Variants in PPP1R16A observed in about 807,000 individuals in gnomAD.
The protein encoded by PPP1R16A is myosin phosphatase-targeting subunit 3.
Under a neutral mutation model 46.6 loss-of-function variants are expected in PPP1R16A, and 39 were observed. The ratio of observed to expected loss-of-function variants is 0.84; its 90% confidence interval spans 0.65 to 1.09. The LOEUF is 1.09. PPP1R16A is among the 50% of genes least tolerant of loss of function. The pLI is 0.00. For missense variants in PPP1R16A, 798 were observed against 735.6 expected (o/e 1.08, Z -0.98); for synonymous variants, 413 against 321.5 (o/e 1.28, Z -3.04).
At chr8:144,499,460 G>A in intron 5 of PPP1R16A, 1 of 217,010 alleles carries the variant, frequency 4.6e-6, no homozygotes, top group Admixed American at 5.3e-5. Flanking sequence ...GGGACGTAGA[G>A]CGGGGGGAAC....
rs375976577 is a variant in PPP1R16A at position 144,493,660 on chromosome 8, G to A, written c.-734-2801G>A. ...CTGGGCAGGGAGGCCAGAGGGGGACGCTTAGGGCTCAGCCTGGGGGGAGGT... is the reference window on the plus strand; with the variant it reads ...CTGGGCAGGGAGGCCAGAGGGGGACACTTAGGGCTCAGCCTGGGGGGAGGT... On this transcript the variant is annotated intron_variant, in intron 2 of 11. Transcript: ENST00000435887. This position sits in a 1 kb window ranked among gnomAD's most constrained non-coding sequence, Gnocchi z 4.3. 3.3e-5 allele frequency among the ~76,000 whole-genome samples: 5 copies of A among 152,094 alleles called. No homozygotes were observed. Among genetic ancestry groups the A allele is most frequent in the African/African-American group, 7.2e-5 (3 of 41,490 alleles).
At chr8:144,478,224 T>C in intron 1 of PPP1R16A, 97 bp downstream of exon 1, 1 of 380,308 alleles carries the variant, frequency 2.6e-6, no homozygotes. Flanking sequence ...GGAGGGGCAC[T>C]GGGTCGACAC....
intron 1 of PPP1R16A, among the ~76,000 whole-genome samples, chr8:144,488,984 A>G (rs1825707377): frequency 1.3e-5 from 2 of 151,438 alleles, no homozygotes; most frequent in African/African-American, 4.9e-5. Flanking sequence ...CAGGCGGATC[A>G]CTTGAGGTCA....
chr8:144,498,626 C>T, intron 3 of PPP1R16A, 144 bp from the exon 4 acceptor site: 1 of 763,454 alleles, frequency 1.3e-6, no homozygotes, highest in Non-Finnish European at 2.0e-6. Flanking sequence ...CCTGGTGCTT[C>T]TGCCCCCACC....
intron 5 of PPP1R16A, chr8:144,499,308 C>A (rs1419589268): frequency 9.1e-6 from 5 of 551,064 alleles, no homozygotes; most frequent in Non-Finnish European, 1.6e-5. Context: ...GGCCTCGGGC[C>A]CCCCCCCAGA....
chr8:144,482,921 C>CT (rs1825490620), intron 1 of PPP1R16A, among the ~76,000 whole-genome samples: 1 of 152,170 alleles, frequency 6.6e-6, no homozygotes, highest in South Asian at 2.1e-4. Context: ...GCTGGGATTA[C>CT]AGGCGTGAGC....
chr8:144,492,096 C>A (rs367673990), intron 2 of PPP1R16A, among the ~76,000 whole-genome samples: 2 of 152,058 alleles, frequency 1.3e-5, no homozygotes, highest in Admixed American at 1.3e-4. Flanking sequence ...CAGAACCAGC[C>A]GGAGGGCAGG....
chr8:144,493,634 C>G lies in PPP1R16A; in HGVS notation c.-734-2827C>G, dbSNP rs1825909136. 6.6e-6 allele frequency among the ~76,000 whole-genome samples: 1 copy of G among 152,208 alleles called. No homozygotes were observed. Among genetic ancestry groups the G allele is most frequent in the African/African-American group, 2.4e-5 (1 of 41,550 alleles). ...TGGCTGCTTCCTTCTGAGGGTGATT[C>G]CTGGGCAGGGAGGCCAGAGGGGGAC... On this transcript the variant is annotated intron_variant, in intron 2 of 11. Transcript: ENST00000435887. This position sits in a 1 kb window ranked among gnomAD's most constrained non-coding sequence, Gnocchi z 4.3.
At chr8:144,481,537 G>T (rs908079983) in intron 1 of PPP1R16A, among the ~76,000 whole-genome samples, 9 of 151,814 alleles carry the variant, frequency 5.9e-5, no homozygotes, top group Admixed American at 6.6e-5. Context: ...CCAGCTACTC[G>T]GGAGGCTGAG....
intron 1 of PPP1R16A, among the ~76,000 whole-genome samples, chr8:144,482,947 A>AT (rs747064501): frequency 7.9e-5 from 12 of 151,374 alleles, no homozygotes; most frequent in Non-Finnish European, 1.5e-4. Flanking sequence ...CGCCCGGCTT[A>AT]TTTTTTTGTA....
At position 144,478,140 on chromosome 8, in the gene PPP1R16A, C is replaced by T; in HGVS notation, c.-914+13C>T. The T allele has an allele frequency of 2.5e-6, 1 of 394,786 alleles. No homozygotes were observed. The highest frequency in any genetic ancestry group is 4.4e-5 in the Admixed American group (1 of 22,570). The allele number at this position is 394,786 out of a possible 1,614,324, so 24.5% of individuals were successfully genotyped here. A position where few individuals can be genotyped will look rare whatever the true frequency, so the allele number is the denominator to read the frequency against. On this transcript the variant is annotated intron_variant, in intron 1 of 11. Coordinates refer to ENST00000435887, the MANE Select transcript of PPP1R16A (RefSeq NM_001329443.2). The stretch of plus-strand genomic sequence containing the variant: ...CGCGGGGCGCGAGGTGAGGCGCGGA[C>T]TCCCGGGTCCTGCGGCGGGAGCGGA...
chr8:144,500,105 TCTC>T lies in PPP1R16A; in HGVS notation c.489_491del (p.Leu164del). The stretch of plus-strand genomic sequence containing the variant: ...TCCGTCTTCCCTGCAGTGGCGCCAA[TCTC>T]CTGGCGGTCAACACCGACGGGAACA... On this transcript the variant is annotated inframe_deletion, in exon 6 of 12. Coordinates refer to ENST00000435887, the MANE Select transcript of PPP1R16A (RefSeq NM_001329443.2). 6.2e-7 allele frequency: 1 copy of T among 1,609,594 alleles called. No individual in the cohort carries two copies. The highest frequency in any genetic ancestry group is 8.5e-7 in the Non-Finnish European group (1 of 1,178,134).
rs1483575192 is a variant in PPP1R16A, at chr8:144,501,659, T to A, written c.1343T>A (p.Val448Asp). The A allele has an allele frequency of 6.2e-7, 1 of 1,610,576 alleles. No individual in the cohort carries two copies. The highest frequency in any genetic ancestry group is 8.5e-7 in the Non-Finnish European group (1 of 1,178,962). The change falls in exon 12 of 12, where the codon GTC becomes GAC. Residue 448 changes from valine to aspartate, a missense_variant. Transcript: ENST00000435887. The part of the protein sequence containing the change: ...PLDSTTPHTL[V>D]HDKAHHTLAD... Reference sequence around the variant, plus strand: ...GACAGCACCACCCCCCACACCCTGGTCCACGACAAGGCCCACCACACCCTG... The same window carrying A: ...GACAGCACCACCCCCCACACCCTGGACCACGACAAGGCCCACCACACCCTG...
chr8:144,501,270 A>G lies in PPP1R16A; in HGVS notation c.1179A>G (p.Ala393=), dbSNP rs368857055. Residue 393 remains alanine (A), a synonymous_variant, in exon 11 of 12, where the codon GCA becomes GCG. Transcript: ENST00000435887. ...PEDNDDRQTG[A]ELRPPPPEED... ...ACAACGATGACCGCCAGACAGGCGC[A>G]GAGCTCAGGCCGCCGCCCCCGGAGG... 6.5e-4 allele frequency: 1,045 copies of G among 1,598,126 alleles called. 1 individual carries two copies. Among genetic ancestry groups the G allele is most frequent in the Admixed American group, 1.1e-3 (63 of 59,036 alleles).
At position 144,499,289 on chromosome 8, in the gene PPP1R16A, G is replaced by A. The variant is rs895349151; in HGVS notation, c.476+228G>A. The A allele has an allele frequency of 1.2e-5, 7 of 586,276 alleles. No homozygotes were observed. In the East Asian group the frequency reaches 1.5e-4, roughly 12 times the overall value. 36.3% of individuals were successfully genotyped at this position (586,276 alleles called of 1,614,324 possible). ...CCTCCCCAGCATTCGTCCTCCTGCCGAGAGGGCAGGCCTCGGGCCCCCCCC... is the reference window on the plus strand; with the variant it reads ...CCTCCCCAGCATTCGTCCTCCTGCCAAGAGGGCAGGCCTCGGGCCCCCCCC... On this transcript the variant is annotated intron_variant, in intron 5 of 11. Coordinates refer to ENST00000435887, the MANE Select transcript of PPP1R16A (RefSeq NM_001329443.2).
intron 1 of PPP1R16A, among the ~76,000 whole-genome samples, chr8:144,482,217 C>T (rs1439502802): frequency 1.1e-4 from 16 of 152,072 alleles, no homozygotes; most frequent in Non-Finnish European, 1.5e-4. Context: ...GGACTGTAGG[C>T]ATGTACCACC....
intron 2 of PPP1R16A, among the ~76,000 whole-genome samples, chr8:144,492,584 C>G (rs1284797069): frequency 1.3e-5 from 2 of 152,112 alleles, no homozygotes; most frequent in African/African-American, 4.8e-5. Context: ...ATCTGCCCAC[C>G]TCGGCCTCCC....
chr8:144,484,774 C>T (rs1825576184), intron 1 of PPP1R16A, among the ~76,000 whole-genome samples: 1 of 152,256 alleles, frequency 6.6e-6, no homozygotes, highest in African/African-American at 2.4e-5. Flanking sequence ...CGCGTATCTC[C>T]TGTCCCGGGC....
intron 5 of PPP1R16A, 176 bp downstream of exon 5, chr8:144,499,237 C>T: frequency 2.3e-6 from 2 of 876,258 alleles, no homozygotes; most frequent in South Asian, 3.8e-5. Flanking sequence ...GGGGAATGGG[C>T]ATGTGCCCAG....
Sources: gnomAD v4.1 joint callset for allele counts (sites outside exome capture counted in the v4.1 genomes callset) on GRCh38, gnomAD v4.1.1 for gene constraint, Gnocchi (gnomAD v3.1) non-coding constraint, MANE v1.5 for transcripts, NCBI Gene and HGNC (gene_info 2026-07-23, HGNC 2026-07-21) for gene names.